The following IGSF5 variants were observed in gnomAD, a reference collection of about 807,000 sequenced individuals.
IGSF5 encodes immunoglobulin superfamily member 5.
A neutral mutation model predicts 39.4 loss-of-function variants in IGSF5; 41 were observed. The ratio of observed to expected loss-of-function variants is 1.04; its 90% CI spans 0.81 to 1.35. IGSF5 has a LOEUF of 1.35. Among genes scored for constraint, IGSF5 ranks in the 40% most tolerant of loss-of-function variants. The probability of loss-of-function intolerance (pLI) is 0.00; values close to 1 mark genes in which losing one functional copy is unlikely to be tolerated. For missense variants in IGSF5, 487 were observed against 494.6 expected, an observed-to-expected ratio of 0.98 and a Z score of 0.15; for synonymous variants, 183 against 175.3, an observed-to-expected ratio of 1.04 and a Z score of -0.34.
At chr21:39,756,593 C>G (rs986812570) in intron 2 of IGSF5, among the ~76,000 whole-genome samples, 1 of 151,774 alleles carries the variant, frequency 6.6e-6, no homozygotes, top group Non-Finnish European at 1.5e-5. Context: ...GATGCCAAAG[C>G]TGAAATGAGA....
intron 6 of IGSF5, among the ~76,000 whole-genome samples, chr21:39,789,130 C>G (rs2146292650): frequency 6.6e-6 from 1 of 152,208 alleles, no homozygotes; most frequent in South Asian, 2.1e-4. Flanking sequence ...TGGCATTTCT[C>G]TTGATTGCTA....
chr21:39,795,145 G>A (rs1364957128), intron 8 of IGSF5, among the ~76,000 whole-genome samples: 1 of 152,176 alleles, frequency 6.6e-6, no homozygotes, highest in African/African-American at 2.4e-5. Context: ...CAGGCCGGGT[G>A]TCAGGAAAAT....
the IGSF5 span, among the ~76,000 whole-genome samples, chr21:39,727,089 A>C: frequency 6.6e-6 from 1 of 152,056 alleles, no homozygotes; most frequent in African/African-American, 2.4e-5. Flanking sequence ...ACCAATTGTC[A>C]GGACACACGG....
chr21:39,780,075 A>T (rs752912164), intron 5 of IGSF5, among the ~76,000 whole-genome samples: 2 of 152,260 alleles, frequency 1.3e-5, no homozygotes, highest in African/African-American at 4.8e-5. Context: ...ATAGCGATGA[A>T]TATGTGAGAT....
chr21:39,751,374 T>C (rs1735151), intron 2 of IGSF5: 107,856 of 152,180 alleles, frequency 0.71, 40,948 homozygotes, highest in Non-Finnish European at 0.84. Flanking sequence ...CAGGTGTTTG[T>C]CAAGTGAGTT....
chr21:39,765,703 A>G lies in IGSF5; in HGVS notation c.269A>G (p.Asn90Ser), dbSNP rs762332285. ...AGGCCCATGGAGCCCATCATCACCA[A>G]TGACCGCTTCACCTCTCAGAGGTAC... The part of the protein sequence containing the change: ...SVRPMEPIIT[N>S]DRFTSQRYDQ... The change falls in exon 3 of 9, where the codon AAT becomes AGT. Residue 90 changes from asparagine to serine, a missense_variant. Physicochemically the swap from Asn to Ser is conservative, Grantham distance 46. Transcript: ENST00000380588. The G allele has an allele frequency of 2.1e-5, 34 of 1,613,938 alleles. No individual in the cohort carries two copies. The highest frequency in any genetic ancestry group is 2.8e-5 in the Non-Finnish European group (33 of 1,180,014).
At chr21:39,761,679 C>CT (rs372773616) in intron 2 of IGSF5, among the ~76,000 whole-genome samples, 4 of 152,102 alleles carry the variant, frequency 2.6e-5, no homozygotes, top group African/African-American at 9.6e-5. Context: ...CTTTCCTTTT[C>CT]TTTTTTTGAG....
chr21:39,724,838 A>C, the IGSF5 span, among the ~76,000 whole-genome samples: 1 of 152,210 alleles, frequency 6.6e-6, no homozygotes, highest in African/African-American at 2.4e-5. Flanking sequence ...CAGAGGAGAA[A>C]GATGAAAGGA....
chr21:39,740,447 AG>A (rs1398080826), upstream of IGSF5, among the ~76,000 whole-genome samples: 7 of 152,328 alleles, frequency 4.6e-5, no homozygotes, highest in Admixed American at 6.5e-5. Context: ...ATGGGCATGG[AG>A]GACTAGGTAA....
At chr21:39,718,376 C>T in the IGSF5 span, among the ~76,000 whole-genome samples, 3 of 152,128 alleles carry the variant, frequency 2.0e-5, no homozygotes, top group African/African-American at 7.2e-5. Flanking sequence ...TTAGGACTTC[C>T]AATACTATGC....
rs76090855 is a variant in IGSF5 at position 39,765,547 on chromosome 21, G to C, written c.113G>C (p.Gly38Ala). The C allele has an allele frequency of 3.1e-5, 50 of 1,613,176 alleles. No homozygotes were observed. In the East Asian group the frequency reaches 1.1e-3, roughly 35 times the overall value. ...QTAVVDGSGS[G>A]NEVIEGPQNA... ...GGCTACCTTCCAGGTTCTGGGTCTG[G>C]TAATGAAGTCATAGAAGGCCCCCAA... is the stretch of plus-strand genomic sequence containing the variant. The change falls in exon 3 of 9, where the codon GGT (glycine) becomes GCT (alanine). Residue 38 changes from glycine (G) to alanine (A), a missense_variant. Gly to Ala is a moderately conservative substitution (Grantham distance 60). Transcript: ENST00000380588.
At chr21:39,737,121 T>C in the IGSF5 span, among the ~76,000 whole-genome samples, 1 of 152,090 alleles carries the variant, frequency 6.6e-6, no homozygotes, top group Non-Finnish European at 1.5e-5. Context: ...GTCTGCTTTG[T>C]TCACCATTTT....
At chr21:39,745,151 C>G (rs1340215413), upstream of IGSF5, among the ~76,000 whole-genome samples, 1 of 139,778 alleles carries the variant, frequency 7.2e-6, no homozygotes, top group South Asian at 2.6e-4. Context: ...CTCTCTCTCT[C>G]TCTTCATCTC....
chr21:39,712,661 G>A, the IGSF5 span, among the ~76,000 whole-genome samples: 3 of 151,926 alleles, frequency 2.0e-5, no homozygotes, highest in South Asian at 4.2e-4. Context: ...TCGTTCATGG[G>A]TTCATTGGGC....
chr21:39,791,001 T>TA (rs1328056617), intron 6 of IGSF5, among the ~76,000 whole-genome samples: 1 of 152,246 alleles, frequency 6.6e-6, no homozygotes, highest in African/African-American at 2.4e-5. Context: ...TACACCATTT[T>TA]ATATCAGAGA....
At chr21:39,788,213 T>C in intron 6 of IGSF5, 25 bp downstream of exon 6, 2 of 1,555,868 alleles carry the variant, frequency 1.3e-6, no homozygotes, top group Non-Finnish European at 1.8e-6. Flanking sequence ...ACATCTATTT[T>C]CTGAAAACAA....
intron 6 of IGSF5, among the ~76,000 whole-genome samples, chr21:39,789,573 G>A (rs1033524708): frequency 6.6e-6 from 1 of 151,824 alleles, no homozygotes; most frequent in Non-Finnish European, 1.5e-5. Context: ...AGCTGCTTGA[G>A]GACTTCTTTT....
upstream of IGSF5, among the ~76,000 whole-genome samples, chr21:39,742,234 C>G (rs1265144495): frequency 6.6e-6 from 1 of 152,040 alleles, no homozygotes; most frequent in Non-Finnish European, 1.5e-5. Flanking sequence ...ATCTCTCTCT[C>G]TAACAAGGGA....
chr21:39,724,821 A>C, the IGSF5 span, among the ~76,000 whole-genome samples: 1 of 152,222 alleles, frequency 6.6e-6, no homozygotes, highest in Non-Finnish European at 1.5e-5. Context: ...TTTCATGCTG[A>C]GGATGGCAGA....
Sources: gnomAD v4.1 joint callset for allele counts (sites outside exome capture counted in the v4.1 genomes callset) on GRCh38, gnomAD v4.1.1 for gene constraint, MANE v1.5 for transcripts, NCBI Gene and HGNC (gene_info 2026-07-23, HGNC 2026-07-21) for gene names.